The following RAP1GDS1 variants were observed in gnomAD, a reference collection of about 807,000 sequenced individuals.
RAP1GDS1 encodes the protein RAP1, GTP-GDP dissociation stimulator 1.
RAP1GDS1 carries 35 observed loss-of-function variants against 71.1 expected under a neutral mutation model. The ratio of observed to expected loss-of-function variants is 0.49; its 90% CI spans 0.38 to 0.65. The LOEUF is 0.65. Ranked by LOEUF, RAP1GDS1 falls within the 30% of genes least tolerant of loss-of-function variation. The probability of loss-of-function intolerance (pLI) is 0.00; values close to 1 mark genes in which losing one functional copy is unlikely to be tolerated. For missense variants in RAP1GDS1, 663 were observed against 706.1 expected (o/e 0.94, Z 0.69); for synonymous variants, 229 against 243.1 (o/e 0.94, Z 0.54).
chr4:98,386,282 A>G (rs1742731566), intron 5 of RAP1GDS1, among the ~76,000 whole-genome samples: 2 of 151,908 alleles, frequency 1.3e-5, no homozygotes, highest in African/African-American at 4.8e-5. Flanking sequence ...AGAACAGTAA[A>G]TGAATAAGTT....
chr4:98,327,664 C>G (rs1034255172), intron 2 of RAP1GDS1, among the ~76,000 whole-genome samples: 5 of 152,140 alleles, frequency 3.3e-5, no homozygotes, highest in African/African-American at 1.2e-4. Context: ...CATTGATGAT[C>G]AGTCTTCCTG....
At chr4:98,408,332 C>T (rs1746470116) in intron 7 of RAP1GDS1, among the ~76,000 whole-genome samples, 1 of 151,980 alleles carries the variant, frequency 6.6e-6, no homozygotes, top group Admixed American at 6.6e-5. Context: ...GGGGTTTCAC[C>T]ATGTTGCCCA....
At chr4:98,290,359 C>CTTTCT (rs1163135188) in intron 1 of RAP1GDS1, among the ~76,000 whole-genome samples, 1 of 152,064 alleles carries the variant, frequency 6.6e-6, no homozygotes, top group Admixed American at 6.6e-5. Flanking sequence ...TGGGACAGTC[C>CTTTCT]TTTCTTCACA....
intron 1 of RAP1GDS1, among the ~76,000 whole-genome samples, chr4:98,274,613 G>A (rs771908857): frequency 6.6e-6 from 1 of 152,054 alleles, no homozygotes; most frequent in Non-Finnish European, 1.5e-5. Flanking sequence ...CATCTTAACG[G>A]ATTCCACTTC....
At chr4:98,425,691 A>G (rs1446299973) in intron 12 of RAP1GDS1, among the ~76,000 whole-genome samples, 1 of 152,186 alleles carries the variant, frequency 6.6e-6, no homozygotes, top group Non-Finnish European at 1.5e-5. Context: ...TCCTGAATAT[A>G]TATGCACCAA....
chr4:98,355,627 T>C (rs1737846426), intron 4 of RAP1GDS1, among the ~76,000 whole-genome samples: 1 of 152,192 alleles, frequency 6.6e-6, no homozygotes, highest in African/African-American at 2.4e-5. Flanking sequence ...AGTAAAGCAT[T>C]TGCTAGCATA....
chr4:98,333,337 T>C (rs1404592148), intron 2 of RAP1GDS1, among the ~76,000 whole-genome samples: 1 of 152,036 alleles, frequency 6.6e-6, no homozygotes, highest in Non-Finnish European at 1.5e-5. Flanking sequence ...TAACAATTTT[T>C]AGTGAAAACA....
chr4:98,289,225 A>G (rs918489558), intron 1 of RAP1GDS1, among the ~76,000 whole-genome samples: 2 of 152,160 alleles, frequency 1.3e-5, no homozygotes, highest in Non-Finnish European at 2.9e-5. Context: ...ATAAAAATAG[A>G]AACTTTCATG....
intron 7 of RAP1GDS1, among the ~76,000 whole-genome samples, chr4:98,408,187 C>T (rs932267435): frequency 6.6e-6 from 1 of 151,954 alleles, no homozygotes; most frequent in Non-Finnish European, 1.5e-5. Context: ...CGGCTCACTG[C>T]AGCCTCCACC....
At chr4:98,425,844 G>A (rs1749538534) in intron 12 of RAP1GDS1, among the ~76,000 whole-genome samples, 1 of 152,018 alleles carries the variant, frequency 6.6e-6, no homozygotes, top group African/African-American at 2.4e-5. Flanking sequence ...AAGAAACAAT[G>A]GATTTAAACT....
chr4:98,315,566 A>G (rs1400313190), intron 2 of RAP1GDS1, among the ~76,000 whole-genome samples: 2 of 152,152 alleles, frequency 1.3e-5, no homozygotes, highest in Non-Finnish European at 2.9e-5. Context: ...GGGAGAGTAT[A>G]TACAAAGTCA....
At chr4:98,273,417 A>T (rs560898805) in intron 1 of RAP1GDS1, among the ~76,000 whole-genome samples, 22 of 152,064 alleles carry the variant, frequency 1.4e-4, no homozygotes, top group Admixed American at 1.3e-3. Flanking sequence ...AATGTCCATC[A>T]TTTTTTTTAC....
rs554590589 is a variant in RAP1GDS1, at chr4:98,382,981, G to A, written c.508+3818G>A. Among the ~76,000 whole-genome samples, 16 of 151,698 alleles carry A rather than the reference G, an allele frequency of 1.1e-4. 1 individual carries two copies. In the South Asian group the frequency reaches 1.2e-3, roughly 12 times the overall value. ...AATTTCCCATAGGTGATCCACAAGC[G>A]TGTTGAGTCTGCATTTGTACACTTG... is the stretch of plus-strand genomic sequence containing the variant. On this transcript the variant is annotated intron_variant, in intron 5 of 14. Coordinates refer to ENST00000408927, the MANE Select transcript of RAP1GDS1 (RefSeq NM_001100427.2).
At chr4:98,413,510 A>G (rs1186014560) in intron 7 of RAP1GDS1, among the ~76,000 whole-genome samples, 25 of 151,942 alleles carry the variant, frequency 1.6e-4, no homozygotes, top group African/African-American at 5.3e-4. Context: ...GAGAATGATG[A>G]TTTCCAATTT....
chr4:98,417,269 G>T, intron 8 of RAP1GDS1, 98 bp from the exon 9 acceptor site: 1 of 1,187,486 alleles, frequency 8.4e-7, no homozygotes, highest in Non-Finnish European at 1.2e-6. Context: ...AACAGTTTGT[G>T]AGGTGTGAGT....
chr4:98,283,817 A>ATTTTTTTTTTT (rs10582639), intron 1 of RAP1GDS1, among the ~76,000 whole-genome samples: 56 of 133,970 alleles, frequency 4.2e-4, no homozygotes, highest in Non-Finnish European at 4.7e-4. Flanking sequence ...TTTCATTGTG[A>ATTTTTTTTTTT]TTTTTTTTTT....
Position 98,352,522 on chromosome 4 carries a change from G to A in RAP1GDS1, c.282G>A (p.Leu94=). Residue 94 remains leucine (L), a synonymous_variant, in exon 4 of 15, where the codon CTG becomes CTA. Coordinates refer to ENST00000408927, the MANE Select transcript of RAP1GDS1 (RefSeq NM_001100427.2). ...TGGATGCTGGATTGATTTCACCACT[G>A]GTGCAGCTGCTAAATAGCAAAGACC... ...PCVDAGLISP[L]VQLLNSKDQE... 1 of 1,613,896 alleles carries A rather than the reference G, an allele frequency of 6.2e-7. No individual in the cohort carries two copies. The highest frequency in any genetic ancestry group is 8.5e-7 in the Non-Finnish European group (1 of 1,179,854).
In RAP1GDS1 at chr4:98,370,587, A is replaced by G. The variant is rs187649733; in HGVS notation, c.362-8430A>G. 5.0e-3 allele frequency among the ~76,000 whole-genome samples: 741 copies of G among 149,230 alleles called. 8 individuals carry two copies. The highest frequency in any genetic ancestry group is 0.017 in the South Asian group (82 of 4,738). On this transcript the variant is annotated intron_variant, in intron 4 of 14. Coordinates refer to ENST00000408927, the MANE Select transcript of RAP1GDS1 (RefSeq NM_001100427.2). ...TTAAAGCTTTTTTTTTTTTTTTAACAGAGTCTCGCTCTGTCACCCTGGCTG... is the reference window on the plus strand; with the variant it reads ...TTAAAGCTTTTTTTTTTTTTTTAACGGAGTCTCGCTCTGTCACCCTGGCTG...
At chr4:98,311,064 A>G (rs1213532413) in intron 2 of RAP1GDS1, among the ~76,000 whole-genome samples, 5 of 152,176 alleles carry the variant, frequency 3.3e-5, no homozygotes, top group East Asian at 1.9e-4. Context: ...GGTGGGGCTC[A>G]GGAATTTGCA....
Sources: gnomAD v4.1 joint callset for allele counts (sites outside exome capture counted in the v4.1 genomes callset) on GRCh38, gnomAD v4.1.1 for gene constraint, MANE v1.5 for transcripts, NCBI Gene and HGNC (gene_info 2026-07-23, HGNC 2026-07-21) for gene names.